Variants in DLC1 observed in about 807,000 individuals in gnomAD.
DLC1 encodes rho GTPase-activating protein 7.
In DLC1, 54 loss-of-function variants were observed where a neutral mutation model predicts 140.3. The observed-to-expected ratio is 0.38, with a 90% CI of 0.31 to 0.48. The LOEUF is 0.48. Ranked by LOEUF, DLC1 falls within the 20% of genes least tolerant of loss-of-function variation. The pLI, the probability that DLC1 is intolerant of heterozygous loss-of-function variation, is 0.96. For synonymous variants in DLC1, 986 were observed against 728.1 expected (o/e 1.35, Z -5.70); for missense variants, 2,536 against 1,907.0 (o/e 1.33, Z -6.14).
intron 2 of DLC1, among the ~76,000 whole-genome samples, chr8:13,407,368 C>T (rs1184823418): frequency 2.0e-5 from 3 of 152,100 alleles, no homozygotes; most frequent in Non-Finnish European, 2.9e-5. Flanking sequence ...AAAGATAATC[C>T]CAACACCCCT....
intron 4 of DLC1, among the ~76,000 whole-genome samples, chr8:13,369,076 C>G (rs1835616520): frequency 6.6e-6 from 1 of 152,130 alleles, no homozygotes; most frequent in Admixed American, 6.6e-5. Context: ...ATTGCCTCAG[C>G]CTTTGATGAT....
chr8:13,248,858 C>CT (rs1052886378), intron 5 of DLC1, among the ~76,000 whole-genome samples: 5 of 152,112 alleles, frequency 3.3e-5, no homozygotes, highest in Admixed American at 2.0e-4. Flanking sequence ...TGCAATTCAC[C>CT]TTTTTTTTCC....
chr8:13,162,642 C>T (rs969829355), intron 5 of DLC1, among the ~76,000 whole-genome samples: 3 of 152,100 alleles, frequency 2.0e-5, no homozygotes, highest in African/African-American at 7.2e-5. Flanking sequence ...CAGTTTTAAA[C>T]AACTGGGTTT....
intron 4 of DLC1, among the ~76,000 whole-genome samples, chr8:13,349,945 C>G (rs1834556836): frequency 6.6e-6 from 1 of 152,226 alleles, no homozygotes; most frequent in African/African-American, 2.4e-5. Context: ...CCTCCGACTT[C>G]AGTCTCTGAG....
chr8:13,503,106 T>A (rs1382079305), intron 1 of DLC1, among the ~76,000 whole-genome samples: 1 of 152,224 alleles, frequency 6.6e-6, no homozygotes, highest in Non-Finnish European at 1.5e-5. Flanking sequence ...AATATATACA[T>A]TAAAGTTGAA....
chr8:13,197,175 A>G (rs148180509), intron 5 of DLC1, among the ~76,000 whole-genome samples: 1 of 152,288 alleles, frequency 6.6e-6, no homozygotes, highest in Non-Finnish European at 1.5e-5. Flanking sequence ...ATGTCATTGA[A>G]TGATCTTCAA....
intron 2 of DLC1, among the ~76,000 whole-genome samples, chr8:13,472,008 G>A (rs1563376942): frequency 6.6e-6 from 1 of 152,172 alleles, no homozygotes. Context: ...CAAAACCTAC[G>A]CACGGAAAGT....
rs772641798 is a variant in DLC1 at position 13,100,722 on chromosome 8, T to C, written c.1615A>G (p.Thr539Ala). ...CACCTCTTGCTGTCCCTTTGGAAAG[T>C]CCATTTGCCACTGATGGCACAAGGC... ...DEPCAISGKW[T>A]FQRDSKRWSR... Residue 539 changes from threonine (T) to alanine (A), a missense_variant, in exon 9 of 18, where the codon ACT (threonine) becomes GCT (alanine). Physicochemically the swap from Thr to Ala is moderately conservative, Grantham distance 58. Coordinates refer to ENST00000276297, the MANE Select transcript of DLC1 (RefSeq NM_182643.3). 1 of 1,603,976 alleles carries C rather than the reference T, an allele frequency of 6.2e-7. No individual in the cohort carries two copies. Among genetic ancestry groups the C allele is most frequent in the Admixed American group, 1.7e-5 (1 of 58,224 alleles).
intron 5 of DLC1, among the ~76,000 whole-genome samples, chr8:13,122,598 T>C (rs1298427316): frequency 1.3e-5 from 2 of 152,180 alleles, no homozygotes; most frequent in African/African-American, 4.8e-5. Context: ...CTGTTAAACA[T>C]ACGCAGTTGC....
At chr8:13,425,545 G>C (rs187310468) in intron 2 of DLC1, among the ~76,000 whole-genome samples, 1 of 152,332 alleles carries the variant, frequency 6.6e-6, no homozygotes, top group East Asian at 1.9e-4. Context: ...CTGGGAGGCA[G>C]AGAGACTGTA....
At chr8:13,319,405 G>A (rs986162276) in intron 4 of DLC1, among the ~76,000 whole-genome samples, 1 of 150,978 alleles carries the variant, frequency 6.6e-6, no homozygotes, top group Non-Finnish European at 1.5e-5. Context: ...TGGTTTGGAT[G>A]TGTGTCCCCA....
Position 13,285,760 on chromosome 8 carries a change from C to T in DLC1, c.1348+19509G>A, listed in dbSNP as rs546588110. Reference sequence around the variant, plus strand: ...TTTGGAAGTTTCTTATAAAGTTAAACGTACCCTACCAATGAATTCCACTCC... The same window carrying T: ...TTTGGAAGTTTCTTATAAAGTTAAATGTACCCTACCAATGAATTCCACTCC... On this transcript the variant is annotated intron_variant, in intron 5 of 17. Transcript: ENST00000276297. Among the ~76,000 whole-genome samples, 93 of 152,182 alleles carry T rather than the reference C, an allele frequency of 6.1e-4. 1 individual carries two copies. Among genetic ancestry groups the T allele is most frequent in the Non-Finnish European group, 1.1e-3 (76 of 68,008 alleles).
intron 1 of DLC1, among the ~76,000 whole-genome samples, chr8:13,521,652 A>G (rs911774820): frequency 1.1e-4 from 16 of 152,188 alleles, no homozygotes; most frequent in African/African-American, 3.9e-4. Flanking sequence ...CTCATCCCAT[A>G]CTTCACAATG....
At chr8:13,122,840 G>A (rs1217909598) in intron 5 of DLC1, among the ~76,000 whole-genome samples, 1 of 151,026 alleles carries the variant, frequency 6.6e-6, no homozygotes, top group Non-Finnish European at 1.5e-5. Context: ...TGGGAGACTG[G>A]TCAGTCACTA....
Position 13,393,712 on chromosome 8 carries a change from A to C in DLC1, c.1174-19T>G. The C allele has an allele frequency of 1.2e-6, 2 of 1,608,442 alleles. No homozygotes were observed. The highest frequency in any genetic ancestry group is 1.7e-6 in the Non-Finnish European group (2 of 1,177,670). ...CCAGATCCTATTAAAAAACAAATGC[A>C]CTGGTATGAAGGACATGTGAATGTT... On this transcript the variant is annotated intron_variant, in intron 3 of 17. Transcript: ENST00000276297.
chr8:13,560,309 A>C (rs1482830324), intron 1 of DLC1, among the ~76,000 whole-genome samples: 2 of 152,234 alleles, frequency 1.3e-5, no homozygotes, highest in African/African-American at 2.4e-5. Flanking sequence ...TTTTCAAATA[A>C]AACTAATACT....
intron 2 of DLC1, among the ~76,000 whole-genome samples, chr8:13,439,615 C>G (rs1292242371): frequency 2.6e-5 from 4 of 151,956 alleles, no homozygotes; most frequent in Non-Finnish European, 5.9e-5. Context: ...CTTTGGTAGT[C>G]AACAATCCTT....
intron 5 of DLC1, among the ~76,000 whole-genome samples, chr8:13,283,293 AACACACACACACAC>A (rs58438325): frequency 1.4e-5 from 2 of 145,116 alleles, no homozygotes; most frequent in Non-Finnish European, 3.0e-5. Context: ...ATCCTACTGA[AACACACACACACAC>A]ACACACACAC....
At chr8:13,422,870 T>C (rs1016037267) in intron 2 of DLC1, among the ~76,000 whole-genome samples, 3 of 151,938 alleles carry the variant, frequency 2.0e-5, no homozygotes, top group East Asian at 1.9e-4. Flanking sequence ...AAGATTCTGA[T>C]TGGGTGATAT....
Sources: gnomAD v4.1 joint callset for allele counts (sites outside exome capture counted in the v4.1 genomes callset) on GRCh38, gnomAD v4.1.1 for gene constraint, MANE v1.5 for transcripts, NCBI Gene and HGNC (gene_info 2026-07-23, HGNC 2026-07-21) for gene names.